MTUS2: variants seen among roughly 807,000 people sequenced by gnomAD.
MTUS2 encodes the protein microtubule associated scaffold protein 2.
MTUS2 carries 40 observed loss-of-function variants against 114.1 expected under a neutral mutation model. The observed-to-expected ratio is 0.35, with a 90% CI of 0.27 to 0.46. The LOEUF is 0.46. MTUS2 is among the 20% of genes least tolerant of loss of function. The pLI is 1.00. For synonymous variants in MTUS2, 688 were observed against 672.0 expected, an observed-to-expected ratio of 1.02 and a Z score of -0.37; for missense variants, 1,679 against 1,705.4, an observed-to-expected ratio of 0.98 and a Z score of 0.27.
chr13:29,340,027 G>A (rs1490540390), intron 7 of MTUS2, among the ~76,000 whole-genome samples: 1 of 152,256 alleles, frequency 6.6e-6, no homozygotes, highest in East Asian at 1.9e-4. Flanking sequence ...CAAGTGTGCT[G>A]AGCTTGGTGA....
Position 29,100,793 on chromosome 13 carries a change from A to C in MTUS2, c.2467A>C (p.Ser823Arg), listed in dbSNP as rs2138820552. 6.4e-7 allele frequency: 1 copy of C among 1,551,560 alleles called. No homozygotes were observed. The highest frequency in any genetic ancestry group is 2.4e-5 in the East Asian group (1 of 40,926). The change falls in exon 5 of 16, where the codon AGT (serine) becomes CGT (arginine). Residue 823 changes from serine to arginine, a missense_variant. Transcript: ENST00000612955. ...TTTAGCAGATTTAAAGAAAGCTTCC[A>C]GTTCAAATGCTGCAAAATCCAATCT... ...DPSADLKKAS[S>R]SNAAKSNLPK...
At chr13:29,117,089 T>C (rs1223233092) in intron 5 of MTUS2, among the ~76,000 whole-genome samples, 6 of 152,214 alleles carry the variant, frequency 3.9e-5, no homozygotes, top group African/African-American at 1.4e-4. Flanking sequence ...AGTATTTCTT[T>C]ACCGTGTTCA....
rs575219788 is a variant in MTUS2 at position 28,881,334 on chromosome 13, C to T, written c.-243+41484C>T. Among the ~76,000 whole-genome samples, 9 of 152,296 alleles carry T rather than the reference C, an allele frequency of 5.9e-5. No homozygotes were observed. The South Asian group carries it at 1.9e-3, about 32-fold the overall frequency. On this transcript the variant is annotated intron_variant, in intron 2 of 15. Coordinates refer to ENST00000612955, the MANE Select transcript of MTUS2 (RefSeq NM_001033602.4). ...TTCTTTTTAGTGGCTGCATAGTATTCCATAATGTATGTACCACATTTTTTT... is the reference window on the plus strand; with the variant it reads ...TTCTTTTTAGTGGCTGCATAGTATTTCATAATGTATGTACCACATTTTTTT...
In MTUS2 at chr13:29,082,814, A is replaced by T. The variant is rs555228075; in HGVS notation, c.2447-17959A>T. Among the ~76,000 whole-genome samples the T allele has an allele frequency of 3.5e-4, 53 of 152,246 alleles. 1 individual carries two copies. The South Asian group carries it at 5.4e-3, about 15-fold the overall frequency. Reference sequence around the variant, plus strand: ...GTATACAGCAGGGCCAAGGGGGTTCAGTTTCTTGTATCAGAAGTCCAGGGG... The same window carrying T: ...GTATACAGCAGGGCCAAGGGGGTTCTGTTTCTTGTATCAGAAGTCCAGGGG... On this transcript the variant is annotated intron_variant, in intron 4 of 15. Transcript: ENST00000612955.
chr13:28,831,501 C>T (rs549786521), intron 1 of MTUS2, among the ~76,000 whole-genome samples: 3 of 151,854 alleles, frequency 2.0e-5, no homozygotes, highest in Non-Finnish European at 2.9e-5. Context: ...ATGGCTATAC[C>T]GATATGAAGT....
chr13:29,282,355 C>T (rs1338492529), intron 6 of MTUS2, among the ~76,000 whole-genome samples: 2 of 152,240 alleles, frequency 1.3e-5, no homozygotes, highest in African/African-American at 4.8e-5. Flanking sequence ...AGGGTTGGCT[C>T]TAGAGCCACA....
At chr13:29,401,424 T>C (rs1026812246) in intron 8 of MTUS2, among the ~76,000 whole-genome samples, 2 of 152,244 alleles carry the variant, frequency 1.3e-5, no homozygotes, top group African/African-American at 4.8e-5. Context: ...GTTTGATTCA[T>C]ACTTAGGTCC....
At chr13:29,070,275 G>A (rs1211405092) in intron 4 of MTUS2, among the ~76,000 whole-genome samples, 1 of 152,176 alleles carries the variant, frequency 6.6e-6, no homozygotes, top group Non-Finnish European at 1.5e-5. Context: ...GTTAATCCAT[G>A]TGTTTCTCCT....
chr13:29,499,341 A>C (rs1275023629), intron 14 of MTUS2, among the ~76,000 whole-genome samples: 1 of 152,134 alleles, frequency 6.6e-6, no homozygotes, highest in Non-Finnish European at 1.5e-5. Flanking sequence ...AAAAGTGTGC[A>C]AAGGGAGTGG....
At chr13:29,202,896 G>A (rs1190881147) in intron 5 of MTUS2, among the ~76,000 whole-genome samples, 2 of 152,148 alleles carry the variant, frequency 1.3e-5, no homozygotes, top group African/African-American at 2.4e-5. Context: ...TCCCAGAAGG[G>A]CACCTGCCAG....
At chr13:29,050,338 C>T (rs2077255) in intron 4 of MTUS2, among the ~76,000 whole-genome samples, 88,383 of 151,812 alleles carry the variant, frequency 0.58, 26,066 homozygotes, top group South Asian at 0.73. Context: ...ATGGACTCAT[C>T]TCAACAGAGA....
chr13:29,113,149 G>C (rs1237518575), intron 5 of MTUS2, among the ~76,000 whole-genome samples: 1 of 152,168 alleles, frequency 6.6e-6, no homozygotes, highest in African/African-American at 2.4e-5. Flanking sequence ...ACTCCAAAGT[G>C]AATATATAAT....
chr13:29,237,051 T>A lies in MTUS2; in HGVS notation c.2645-44653T>A, dbSNP rs137877288. On this transcript the variant is annotated intron_variant, in intron 5 of 15. Coordinates refer to ENST00000612955, the MANE Select transcript of MTUS2 (RefSeq NM_001033602.4). ...TTTCTGCAGTTGTGGTTTTGATGCC[T>A]TCCTTGATCTAAGAGTTGTGTAGAA... Among the ~76,000 whole-genome samples the A allele has an allele frequency of 2.5e-3, 386 of 152,358 alleles. 1 individual carries two copies. The highest frequency in any genetic ancestry group is 4.3e-3 in the Non-Finnish European group (291 of 68,030).
chr13:28,901,178 A>G (rs1879623114), intron 2 of MTUS2, among the ~76,000 whole-genome samples: 1 of 151,992 alleles, frequency 6.6e-6, no homozygotes, highest in Admixed American at 6.6e-5. Flanking sequence ...CTCTTTGGAG[A>G]AGAGTCTATT....
chr13:29,495,231 G>A (rs1882462046), intron 12 of MTUS2, among the ~76,000 whole-genome samples: 3 of 148,564 alleles, frequency 2.0e-5, no homozygotes, highest in Admixed American at 2.0e-4. Flanking sequence ...GGTGGTGGGG[G>A]CCTGTAATCC....
At chr13:29,483,163 T>G (rs1310129890) in intron 10 of MTUS2, among the ~76,000 whole-genome samples, 2 of 152,216 alleles carry the variant, frequency 1.3e-5, no homozygotes, top group East Asian at 1.9e-4. Context: ...TTCTGGAACC[T>G]TAAAAATCAG....
intron 5 of MTUS2, among the ~76,000 whole-genome samples, chr13:29,216,673 C>T (rs6490373): frequency 0.025 from 3,785 of 152,280 alleles, 151 homozygotes; most frequent in African/African-American, 0.086. Flanking sequence ...CTTCTGCTCA[C>T]CCTGCATGGG....
At chr13:29,474,819 A>T (rs980643459) in intron 9 of MTUS2, among the ~76,000 whole-genome samples, 1 of 152,146 alleles carries the variant, frequency 6.6e-6, no homozygotes, top group Admixed American at 6.5e-5. Flanking sequence ...GTATTAAAAG[A>T]TATGTGTCAT....
intron 2 of MTUS2, among the ~76,000 whole-genome samples, chr13:28,976,221 A>G (rs1026704527): frequency 6.4e-5 from 8 of 124,248 alleles, no homozygotes; most frequent in Admixed American, 3.0e-4. Context: ...AAAAAAAAAA[A>G]AAAGAAAAGA....
Sources: gnomAD v4.1 joint callset for allele counts (sites outside exome capture counted in the v4.1 genomes callset) on GRCh38, gnomAD v4.1.1 for gene constraint, MANE v1.5 for transcripts, NCBI Gene and HGNC (gene_info 2026-07-23, HGNC 2026-07-21) for gene names.